Variants in SUPT3H observed in about 807,000 individuals in gnomAD.
SUPT3H encodes the protein transcription initiation protein SPT3 homolog.
A neutral mutation model predicts 44.3 loss-of-function variants in SUPT3H; 44 were observed. The ratio of observed to expected loss-of-function variants is 0.99; its 90% CI spans 0.78 to 1.28. The LOEUF (loss-of-function observed/expected upper bound fraction) is 1.28. Ranked by LOEUF, SUPT3H falls within the 50% of genes most tolerant of loss-of-function variation. The probability of loss-of-function intolerance (pLI) is 0.00; values close to 1 mark genes in which losing one functional copy is unlikely to be tolerated. For synonymous variants in SUPT3H, 124 were observed against 125.6 expected, an observed-to-expected ratio of 0.99 and a Z score of 0.09; for missense variants, 380 against 387.1, an observed-to-expected ratio of 0.98 and a Z score of 0.15.
chr6:45,031,151 A>G (rs6908606), intron 3 of SUPT3H, among the ~76,000 whole-genome samples: 31,592 of 152,162 alleles, frequency 0.21, 4,011 homozygotes, highest in Non-Finnish European at 0.29. Flanking sequence ...TGTTATTGAC[A>G]TTTATTTAGA....
At chr6:44,967,884 A>C (rs572244850) in intron 6 of SUPT3H, among the ~76,000 whole-genome samples, 1 of 152,076 alleles carries the variant, frequency 6.6e-6, no homozygotes, top group African/African-American at 2.4e-5. Context: ...CAACCTCCCC[A>C]GTTTAAGTGA....
At chr6:45,217,653 G>A (rs1340066909) in intron 2 of SUPT3H, among the ~76,000 whole-genome samples, 1 of 152,174 alleles carries the variant, frequency 6.6e-6, no homozygotes, top group Non-Finnish European at 1.5e-5. Flanking sequence ...CACTTTGGGA[G>A]GCCAAGGCAG....
At chr6:45,169,043 T>G (rs1342336384) in intron 2 of SUPT3H, among the ~76,000 whole-genome samples, 2 of 152,182 alleles carry the variant, frequency 1.3e-5, no homozygotes, top group Admixed American at 1.3e-4. Flanking sequence ...GAAGTCTGAT[T>G]GTAATGGATC....
At chr6:45,195,725 C>T (rs1254708401) in intron 2 of SUPT3H, among the ~76,000 whole-genome samples, 1 of 152,046 alleles carries the variant, frequency 6.6e-6, no homozygotes, top group Non-Finnish European at 1.5e-5. Context: ...GTTCATATTT[C>T]AGTAACATCA....
intron 2 of SUPT3H, among the ~76,000 whole-genome samples, chr6:45,333,499 G>T (rs1303583310): frequency 6.6e-6 from 1 of 151,462 alleles, no homozygotes; most frequent in East Asian, 1.9e-4. Context: ...TCAAGATTTG[G>T]AACAGTGTTG....
At position 44,977,769 on chromosome 6, in the gene SUPT3H, T is replaced by G. The variant is rs562678478; in HGVS notation, c.505-15941A>C. ...TTTTCTATCTGATCAAGTAAAATTATGCAGTTCACTTGACATTACTACTAC... is the reference window on the plus strand; with the variant it reads ...TTTTCTATCTGATCAAGTAAAATTAGGCAGTTCACTTGACATTACTACTAC... On this transcript the variant is annotated intron_variant, in intron 6 of 10. Coordinates refer to ENST00000371459, the MANE Select transcript of SUPT3H (RefSeq NM_003599.4). Among the ~76,000 whole-genome samples, 10 of 152,350 alleles carry G rather than the reference T, an allele frequency of 6.6e-5. 1 individual carries two copies. In the South Asian group the frequency reaches 2.1e-3, roughly 32 times the overall value.
At chr6:45,150,080 C>A (rs919071107) in intron 2 of SUPT3H, among the ~76,000 whole-genome samples, 1 of 152,064 alleles carries the variant, frequency 6.6e-6, no homozygotes, top group Non-Finnish European at 1.5e-5. Flanking sequence ...CAAATATGTA[C>A]AACTAAGGTT....
intron 5 of SUPT3H, among the ~76,000 whole-genome samples, chr6:45,004,680 C>A (rs533089913): frequency 2.0e-5 from 3 of 152,224 alleles, no homozygotes; most frequent in Non-Finnish European, 2.9e-5. Context: ...CATATTAACA[C>A]CACCCAATAT....
chr6:45,172,566 T>C (rs924498797), intron 2 of SUPT3H, among the ~76,000 whole-genome samples: 3 of 149,940 alleles, frequency 2.0e-5, no homozygotes, highest in African/African-American at 7.4e-5. Context: ...AAAAAAAGTC[T>C]GAAAATAAAT....
At chr6:45,242,203 C>T (rs765615344) in intron 2 of SUPT3H, among the ~76,000 whole-genome samples, 13 of 152,164 alleles carry the variant, frequency 8.5e-5, no homozygotes, top group Non-Finnish European at 1.6e-4. Flanking sequence ...ATAAAGAACA[C>T]CCTATGCTTA....
intron 10 of SUPT3H, among the ~76,000 whole-genome samples, chr6:44,918,075 T>C (rs1317664923): frequency 6.6e-6 from 1 of 152,120 alleles, no homozygotes; most frequent in Non-Finnish European, 1.5e-5. Flanking sequence ...TAGTTCAAAA[T>C]GATGCATCAT....
chr6:45,131,442 T>C (rs771121303), intron 2 of SUPT3H, among the ~76,000 whole-genome samples: 3 of 152,196 alleles, frequency 2.0e-5, no homozygotes, highest in Non-Finnish European at 4.4e-5. Context: ...ACCTCAAGTA[T>C]AGATGGGTTT....
chr6:45,007,886 T>C (rs1782943031), intron 5 of SUPT3H, among the ~76,000 whole-genome samples: 1 of 152,146 alleles, frequency 6.6e-6, no homozygotes, highest in African/African-American at 2.4e-5. Flanking sequence ...CTACACTCCA[T>C]CTCTTTAGAT....
intron 10 of SUPT3H, among the ~76,000 whole-genome samples, chr6:44,884,944 C>T (rs924189685): frequency 3.9e-5 from 6 of 152,162 alleles, no homozygotes; most frequent in South Asian, 2.1e-4. Flanking sequence ...GCTTAAAAAA[C>T]GGCGCACCAG....
intron 10 of SUPT3H, among the ~76,000 whole-genome samples, chr6:44,895,543 G>T (rs1466920145): frequency 2.0e-5 from 3 of 152,124 alleles, no homozygotes; most frequent in Non-Finnish European, 4.4e-5. Context: ...GAGAAATAAT[G>T]CTCTAGTTAT....
At chr6:45,130,693 A>C (rs961049690) in intron 2 of SUPT3H, among the ~76,000 whole-genome samples, 16 of 144,244 alleles carry the variant, frequency 1.1e-4, no homozygotes, top group East Asian at 3.9e-4. Context: ...GTAAAAAAAA[A>C]AAACAAAAAA....
chr6:44,929,769 C>CTT (rs35174513), intron 10 of SUPT3H, among the ~76,000 whole-genome samples: 285 of 143,912 alleles, frequency 2.0e-3, no homozygotes, highest in African/African-American at 7.1e-3. Flanking sequence ...CATGAGCTCC[C>CTT]TTTTTTTTTT....
At chr6:44,971,676 C>T (rs548249318) in intron 6 of SUPT3H, among the ~76,000 whole-genome samples, 45 of 152,284 alleles carry the variant, frequency 3.0e-4, no homozygotes, top group African/African-American at 9.9e-4. Context: ...GGGGACACAG[C>T]CAAACCATAT....
At chr6:45,007,782 T>C (rs1782926998) in intron 5 of SUPT3H, among the ~76,000 whole-genome samples, 1 of 151,380 alleles carries the variant, frequency 6.6e-6, no homozygotes, top group Admixed American at 6.6e-5. Flanking sequence ...TGTAATGTAA[T>C]CAATGGTAAG....
Sources: gnomAD v4.1 joint callset for allele counts (sites outside exome capture counted in the v4.1 genomes callset) on GRCh38, gnomAD v4.1.1 for gene constraint, MANE v1.5 for transcripts, NCBI Gene and HGNC (gene_info 2026-07-23, HGNC 2026-07-21) for gene names.